ERCC1: variants seen among roughly 807,000 people sequenced by gnomAD.
ERCC1 encodes ERCC excision repair 1, endonuclease non-catalytic subunit.
In ERCC1, 36 loss-of-function variants were observed where a neutral mutation model predicts 37.6. That is an observed-to-expected ratio of 0.96 (90% CI 0.73 to 1.26). The LOEUF (loss-of-function observed/expected upper bound fraction) is 1.26. ERCC1 is among the 50% of genes most tolerant of loss of function. The pLI is 0.00. For synonymous variants in ERCC1, 156 were observed against 162.1 expected (o/e 0.96, Z 0.28); for missense variants, 349 against 376.5 (o/e 0.93, Z 0.60).
chr19:45,421,117 C>T, intron 3 of ERCC1, 61 bp downstream of exon 3: 1 of 1,424,640 alleles, frequency 7.0e-7, no homozygotes, highest in Non-Finnish European at 9.9e-7. Flanking sequence ...CTGGAGTCAT[C>T]CCTAGAACAG....
chr19:45,409,458 G>A lies in ERCC1; in HGVS notation c.*217C>T, dbSNP rs1227346996. 1 of 1,612,648 alleles carries A rather than the reference G, an allele frequency of 6.2e-7. No individual in the cohort carries two copies. The highest frequency in any genetic ancestry group is 1.3e-5 in the African/African-American group (1 of 74,904). Reference sequence around the variant, plus strand: ...GAGTCTGGGGAGGAGGCTCCCACAGGCCGGGACAAGAAGCGGAAGCAGCAG... The same window carrying A: ...GAGTCTGGGGAGGAGGCTCCCACAGACCGGGACAAGAAGCGGAAGCAGCAG... On this transcript the variant is annotated 3_prime_UTR_variant, in exon 10 of 10. Coordinates refer to ENST00000300853, the MANE Select transcript of ERCC1 (RefSeq NM_001983.4).
intron 5 of ERCC1, among the ~76,000 whole-genome samples, chr19:45,418,500 A>G (rs1974197266): frequency 6.6e-6 from 1 of 151,916 alleles, no homozygotes; most frequent in Admixed American, 6.6e-5. Context: ...AGCCTGGGCG[A>G]CAGAGGAGAC....
chr19:45,416,294 A>G (rs1974065133), intron 6 of ERCC1, among the ~76,000 whole-genome samples: 1 of 152,248 alleles, frequency 6.6e-6, no homozygotes. Context: ...ACTGGGTTTG[A>G]CAGGAGGAAA....
At chr19:45,412,024 T>A (rs1251566552) in intron 9 of ERCC1, among the ~76,000 whole-genome samples, 3 of 149,770 alleles carry the variant, frequency 2.0e-5, no homozygotes, top group Non-Finnish European at 3.0e-5. Context: ...ACCCAGCTAA[T>A]TTTTTTTTGT....
intron 1 of ERCC1, among the ~76,000 whole-genome samples, chr19:45,430,636 G>A (rs1197553945): frequency 6.6e-6 from 1 of 152,102 alleles, no homozygotes; most frequent in Non-Finnish European, 1.5e-5. Context: ...TCATAAGCGG[G>A]GCGCGGTGGC....
intron 1 of ERCC1, among the ~76,000 whole-genome samples, chr19:45,449,802 T>G (rs922655500): frequency 6.6e-6 from 1 of 151,888 alleles, no homozygotes; most frequent in Non-Finnish European, 1.5e-5. Context: ...TCGTCCCTAC[T>G]AAAAATACAA....
chr19:45,424,193 G>T, upstream of ERCC1: 1 of 313,572 alleles, frequency 3.2e-6, no homozygotes, highest in Non-Finnish European at 4.8e-6. Context: ...CTCAGACATT[G>T]ACTTGGCTTC....
At chr19:45,423,719 A>C (rs1974586645) in intron 1 of ERCC1, 62 bp downstream of exon 1, 2 of 1,179,434 alleles carry the variant, frequency 1.7e-6, no homozygotes, top group Admixed American at 4.1e-5. Context: ...TCCATCTCTC[A>C]GACTCGGCAA....
chr19:45,436,714 C>T (rs1035511814), intron 1 of ERCC1: 6 of 152,344 alleles, frequency 3.9e-5, no homozygotes, highest in African/African-American at 1.4e-4. Context: ...AAACTCCTGG[C>T]CTTGACATTG....
intron 6 of ERCC1, 95 bp downstream of exon 6, chr19:45,416,726 A>G: frequency 1.1e-6 from 1 of 882,366 alleles, no homozygotes; most frequent in Non-Finnish European, 1.9e-6. Context: ...AGGCCCACAC[A>G]GGAAGGAGAA....
chr19:45,419,024 T>G lies in ERCC1; in HGVS notation c.525+74A>C, dbSNP rs990773787. ...GCTGAGGTTTTAGCTGCATTTCCTC[T>G]TGGAAGGGATTCAACAGCCCACTGC... On this transcript the variant is annotated intron_variant, in intron 5 of 9. Coordinates refer to ENST00000300853, the MANE Select transcript of ERCC1 (RefSeq NM_001983.4). 4 of 995,980 alleles carry G rather than the reference T, an allele frequency of 4.0e-6. No homozygotes were observed. In the African/African-American group the frequency reaches 4.8e-5, roughly 12 times the overall value. 61.7% of individuals were successfully genotyped at this position (995,980 alleles called of 1,614,324 possible).
upstream of ERCC1, among the ~76,000 whole-genome samples, chr19:45,425,522 G>C (rs1309681791): frequency 6.6e-6 from 1 of 151,650 alleles, no homozygotes; most frequent in Non-Finnish European, 1.5e-5. Flanking sequence ...CCAAGTAGCT[G>C]GGATTACAGG....
In ERCC1 at chr19:45,409,892, A is replaced by ATTTTTTTTT. The variant is rs200386912; in HGVS notation, c.844-168_844-167insAAAAAAAAA. On this transcript the variant is annotated intron_variant, in intron 9 of 9. Transcript: ENST00000300853. ...ATCTTTTTAAGTTATTATTATTATT[A>ATTTTTTTTT]TTATTTTTTTTTTTTTTGAGATGGA... The ATTTTTTTTT allele has an allele frequency of 2.4e-3, 498 of 206,066 alleles. 5 individuals are homozygous for ATTTTTTTTT. The highest frequency in any genetic ancestry group is 6.3e-3 in the South Asian group (31 of 4,954). 12.8% of individuals were successfully genotyped at this position (206,066 alleles called of 1,614,324 possible). A position where few individuals can be genotyped will look rare whatever the true frequency, so the allele number is the denominator to read the frequency against.
intron 1 of ERCC1, among the ~76,000 whole-genome samples, chr19:45,442,407 C>T (rs1214591724): frequency 6.6e-6 from 1 of 152,038 alleles, no homozygotes; most frequent in African/African-American, 2.4e-5. Context: ...CTGATCCCCA[C>T]TTCTCAATAT....
rs201700017 is a variant in ERCC1, at chr19:45,409,344, C to G, written c.*331G>C. Reference sequence around the variant, plus strand: ...CCTGAAGCCAGGGCAACTCCGGGATCCACCAAGAAGAGGAAGAAGCAGAGT... The same window carrying G: ...CCTGAAGCCAGGGCAACTCCGGGATGCACCAAGAAGAGGAAGAAGCAGAGT... On this transcript the variant is annotated 3_prime_UTR_variant, in exon 10 of 10. Coordinates refer to ENST00000300853, the MANE Select transcript of ERCC1 (RefSeq NM_001983.4). 6.2e-7 allele frequency: 1 copy of G among 1,614,104 alleles called. No homozygotes were observed. The highest frequency in any genetic ancestry group is 1.1e-5 in the South Asian group (1 of 91,074).
At chr19:45,421,923 G>A (rs1176475259) in intron 2 of ERCC1, among the ~76,000 whole-genome samples, 1 of 151,934 alleles carries the variant, frequency 6.6e-6, no homozygotes, top group Non-Finnish European at 1.5e-5. Flanking sequence ...GTGAGCCACA[G>A]CACTTGACCC....
intron 1 of ERCC1, among the ~76,000 whole-genome samples, chr19:45,431,762 G>A (rs1389182022): frequency 2.6e-5 from 4 of 151,470 alleles, no homozygotes; most frequent in African/African-American, 4.9e-5. Flanking sequence ...TTGGTGGCGC[G>A]TGCCTACGTT....
chr19:45,426,461 G>A (rs1436643253), upstream of ERCC1, among the ~76,000 whole-genome samples: 2 of 150,512 alleles, frequency 1.3e-5, no homozygotes, highest in Non-Finnish European at 2.9e-5. Context: ...TGAGGCAGGA[G>A]AATTGCTTGA....
At chr19:45,417,431 T>TAA (rs1974131574) in intron 5 of ERCC1, among the ~76,000 whole-genome samples, 1 of 151,526 alleles carries the variant, frequency 6.6e-6, no homozygotes. Context: ...CAAAGGAGGA[T>TAA]GAGGAGGAGG....
Sources: allele counts gnomAD v4.1 joint callset (sites outside exome capture counted in the v4.1 genomes callset), GRCh38; gene constraint gnomAD v4.1.1; transcripts MANE v1.5; gene names NCBI Gene and HGNC (gene_info 2026-07-23, HGNC 2026-07-21).